The following TBC1D16 variants were observed in gnomAD, a reference collection of about 807,000 sequenced individuals.
TBC1D16 encodes TBC1 domain family member 16.
TBC1D16 carries 58 observed loss-of-function variants against 74.7 expected under a neutral mutation model. That is an observed-to-expected ratio of 0.78 (90% CI 0.63 to 0.97). TBC1D16 has a LOEUF of 0.97. Among genes scored for constraint, TBC1D16 ranks in the 50% least tolerant of loss-of-function variants. TBC1D16 has a pLI of 0.00. For synonymous variants in TBC1D16, 493 were observed against 474.7 expected (o/e 1.04, Z -0.50); for missense variants, 1,014 against 1,079.5 (o/e 0.94, Z 0.85).
chr17:80,033,588 G>A (rs1414238653), intron 1 of TBC1D16, among the ~76,000 whole-genome samples: 1 of 152,144 alleles, frequency 6.6e-6, no homozygotes, highest in Non-Finnish European at 1.5e-5. Flanking sequence ...GCCTAAGGTG[G>A]TCTTGAACTT....
In TBC1D16 at chr17:79,979,422, C is replaced by T. The variant is rs376936541; in HGVS notation, c.780-26604G>A. ...ACGTGGCCCTCTCGAGGTGAAGCTG[C>T]GACACTGTGTGGAAACCCAGGGGAG... On this transcript the variant is annotated intron_variant, in intron 3 of 11. Coordinates refer to ENST00000310924, the MANE Select transcript of TBC1D16 (RefSeq NM_019020.4). The surrounding 1 kb of genome is among the most constrained non-coding windows in gnomAD (Gnocchi z 4.8). 6.6e-6 allele frequency among the ~76,000 whole-genome samples: 1 copy of T among 152,170 alleles called. No homozygotes were observed. The highest frequency in any genetic ancestry group is 1.5e-5 in the Non-Finnish European group (1 of 68,032).
At chr17:80,023,458 A>G (rs1178956221) in intron 1 of TBC1D16, among the ~76,000 whole-genome samples, 2 of 150,088 alleles carry the variant, frequency 1.3e-5, no homozygotes, top group East Asian at 1.9e-4. Context: ...AGCTCGTCAG[A>G]GACCCTTCCC....
intron 10 of TBC1D16, among the ~76,000 whole-genome samples, chr17:79,943,262 A>T (rs2032189984): frequency 2.0e-5 from 3 of 152,132 alleles, no homozygotes; most frequent in Middle Eastern, 3.4e-3. Flanking sequence ...TTTTGCAGTG[A>T]TTTGAACTGT....
chr17:80,024,169 C>G (rs929578252), intron 1 of TBC1D16, among the ~76,000 whole-genome samples: 2 of 120,758 alleles, frequency 1.7e-5, no homozygotes, highest in Non-Finnish European at 3.9e-5. Context: ...ACCAGAGGCC[C>G]CACTTCAGCC....
At chr17:80,013,307 C>G in intron 2 of TBC1D16, 60 bp downstream of exon 2, 1 of 1,508,198 alleles carries the variant, frequency 6.6e-7, no homozygotes, top group Non-Finnish European at 8.9e-7. Context: ...GCCTTTAGAG[C>G]CCTGGCTCGG....
rs1555885652 is a variant in TBC1D16, at chr17:80,023,663, C to CCCG, written c.-62-10055_-62-10054insCGG. Reference sequence around the variant, plus strand: ...GAGCGAGAACTGCTGCCGGGCCCCCCCCCACCGGCTCAGGGCGTGGCTGGG... The same window carrying CCCG: ...GAGCGAGAACTGCTGCCGGGCCCCCCCCGCCCACCGGCTCAGGGCGTGGCTGGG... On this transcript the variant is annotated intron_variant, in intron 1 of 11. Coordinates refer to ENST00000310924, the MANE Select transcript of TBC1D16 (RefSeq NM_019020.4). 2.1e-5 allele frequency among the ~76,000 whole-genome samples: 3 copies of CCCG among 142,996 alleles called. 1 individual carries two copies. Among genetic ancestry groups the CCCG allele is most frequent in the African/African-American group, 8.5e-5 (3 of 35,384 alleles). The allele number at this position is 142,996 out of a possible 152,430, so 93.8% of individuals were successfully genotyped here. A position where few individuals can be genotyped will look rare whatever the true frequency, so the allele number is the denominator to read the frequency against.
In TBC1D16 at chr17:79,990,978, G is replaced by A. The variant is rs1320353356; in HGVS notation, c.779+19182C>T. On this transcript the variant is annotated intron_variant, in intron 3 of 11. Transcript: ENST00000310924. This position sits in a 1 kb window ranked among gnomAD's most constrained non-coding sequence, Gnocchi z 4.8. ...TGGAACATGTGTGTGAACACACCGC[G>A]TTTCTCTAGTCACCCGTCGGGGGAA... Among the ~76,000 whole-genome samples the A allele has an allele frequency of 2.0e-5, 3 of 152,240 alleles. No individual in the cohort carries two copies. Among genetic ancestry groups the A allele is most frequent in the African/African-American group, 4.8e-5 (2 of 41,452 alleles).
intron 3 of TBC1D16, among the ~76,000 whole-genome samples, chr17:79,958,246 T>C (rs1347554810): frequency 2.6e-5 from 4 of 151,264 alleles, no homozygotes; most frequent in African/African-American, 9.7e-5. Context: ...AGATGGAGTT[T>C]TTTGCTCTTG....
rs370425381 is a variant in TBC1D16, at chr17:79,948,962, A to C, written c.1451T>G (p.Val484Gly). 3 of 1,614,056 alleles carry C rather than the reference A, an allele frequency of 1.9e-6. No homozygotes were observed. The highest frequency in any genetic ancestry group is 2.5e-6 in the Non-Finnish European group (3 of 1,180,038). Residue 484 changes from valine to glycine, a missense_variant, in exon 8 of 12, where the codon GTG (valine) becomes GGG (glycine). Physicochemically the swap from Val to Gly is moderately radical, Grantham distance 109. Coordinates refer to ENST00000310924, the MANE Select transcript of TBC1D16 (RefSeq NM_019020.4). ...PEEHRAFWRNVQFTVDKDVVR... is the reference protein window; with the variant it reads ...PEEHRAFWRNGQFTVDKDVVR... ...CACGTCTTTGTCCACAGTGAACTGCACATTACGCCAGAACGCTCTGTGCTC... is the reference window on the plus strand; with the variant it reads ...CACGTCTTTGTCCACAGTGAACTGCCCATTACGCCAGAACGCTCTGTGCTC...
Position 79,945,182 on chromosome 17 carries a change from C to A in TBC1D16, c.1729-95G>T, listed in dbSNP as rs564757926. On this transcript the variant is annotated intron_variant, in intron 9 of 11. Coordinates refer to ENST00000310924, the MANE Select transcript of TBC1D16 (RefSeq NM_019020.4). ...CCACTGGGGCCCTTCCCTGGGCCAC[C>A]CCAGCCTGGAAAAGCACACCCAGGG... 6.6e-6 allele frequency: 9 copies of A among 1,367,712 alleles called. No individual in the cohort carries two copies. In the African/African-American group the frequency reaches 1.0e-4, roughly 15 times the overall value. 84.7% of individuals were successfully genotyped at this position (1,367,712 alleles called of 1,614,324 possible).
chr17:79,943,883 A>C, intron 10 of TBC1D16: 1 of 1,406,184 alleles, frequency 7.1e-7, no homozygotes, highest in South Asian at 1.5e-5. Flanking sequence ...ATGAGGCACG[A>C]TTTTTTTTAA....
rs1465737338 is a variant in TBC1D16, at chr17:79,932,612, T to C, written c.*8247A>G. ...CCAATTCACATTGACTTGTAGCCAC[T>C]AGGACCCTGTGTCTTTTTCTATTGT... is the stretch of plus-strand genomic sequence containing the variant. On this transcript the variant is annotated 3_prime_UTR_variant, in exon 12 of 12. Coordinates refer to ENST00000310924, the MANE Select transcript of TBC1D16 (RefSeq NM_019020.4). The C allele has an allele frequency of 6.6e-6, 1 of 152,348 alleles. No homozygotes were observed. The highest frequency in any genetic ancestry group is 2.4e-5 in the African/African-American group (1 of 41,578). 9.4% of individuals were successfully genotyped at this position (152,348 alleles called of 1,614,324 possible). A position where few individuals can be genotyped will look rare whatever the true frequency, so the allele number is the denominator to read the frequency against.
chr17:80,017,932 CTT>C (rs1318755234), intron 1 of TBC1D16, among the ~76,000 whole-genome samples: 1 of 152,080 alleles, frequency 6.6e-6, no homozygotes, highest in Admixed American at 6.6e-5. Flanking sequence ...AGTGACGAAA[CTT>C]AATTAAAAAA....
intron 3 of TBC1D16, chr17:79,992,789 C>G (rs1305103324): frequency 1.3e-5 from 2 of 152,434 alleles, no homozygotes; most frequent in Non-Finnish European, 2.9e-5. Flanking sequence ...ACCCCAGCCC[C>G]AGCACCTACC....
intron 3 of TBC1D16, among the ~76,000 whole-genome samples, chr17:79,984,623 A>AGGAAGGAG (rs2034750288): frequency 7.0e-6 from 1 of 142,698 alleles, no homozygotes; most frequent in African/African-American, 2.6e-5. Context: ...GAGGGAGTGA[A>AGGAAGGAG]GGAAGGAAGG....
At chr17:79,973,435 C>T (rs909338175) in intron 3 of TBC1D16, among the ~76,000 whole-genome samples, 11 of 152,078 alleles carry the variant, frequency 7.2e-5, no homozygotes, top group Non-Finnish European at 1.3e-4. Context: ...AAAGTCTGGG[C>T]GCAGTGGCTT....
chr17:80,017,128 G>A (rs1295172021), intron 1 of TBC1D16, among the ~76,000 whole-genome samples: 1 of 152,122 alleles, frequency 6.6e-6, no homozygotes, highest in Non-Finnish European at 1.5e-5. Context: ...GGCTGCAGAA[G>A]AAAGTCGACC....
At chr17:79,964,658 C>T (rs547195986) in intron 3 of TBC1D16, among the ~76,000 whole-genome samples, 14 of 152,270 alleles carry the variant, frequency 9.2e-5, no homozygotes, top group Non-Finnish European at 2.1e-4. Context: ...TACAGTTATA[C>T]TTCAATAAAC....
chr17:80,034,379 TAGTA>T (rs1366592334), intron 1 of TBC1D16, among the ~76,000 whole-genome samples: 1 of 136,570 alleles, frequency 7.3e-6, no homozygotes, highest in Non-Finnish European at 1.7e-5. Context: ...TTTGTATTTT[TAGTA>T]GATATGGGGG....
Sources: allele counts gnomAD v4.1 joint callset (sites outside exome capture counted in the v4.1 genomes callset), GRCh38; gene constraint gnomAD v4.1.1; non-coding constraint Gnocchi (gnomAD v3.1); transcripts MANE v1.5; gene names NCBI Gene and HGNC (gene_info 2026-07-23, HGNC 2026-07-21).